NCAM2: variants seen among roughly 807,000 people sequenced by gnomAD.
NCAM2 encodes the protein neural cell adhesion molecule 2.
NCAM2 carries 30 observed loss-of-function variants against 98.1 expected under a neutral mutation model. The ratio of observed to expected loss-of-function variants is 0.31; its 90% CI spans 0.23 to 0.41. The LOEUF (loss-of-function observed/expected upper bound fraction) is 0.41. Ranked by LOEUF, NCAM2 falls within the 10% of genes least tolerant of loss-of-function variation. The pLI, the probability that NCAM2 is intolerant of heterozygous loss-of-function variation, is 1.00. For synonymous variants in NCAM2, 368 were observed against 342.4 expected, an observed-to-expected ratio of 1.07 and a Z score of -0.83; for missense variants, 867 against 1,005.8, an observed-to-expected ratio of 0.86 and a Z score of 1.87.
At chr21:21,122,131 C>T (rs2826663) in intron 1 of NCAM2, among the ~76,000 whole-genome samples, 89,760 of 151,268 alleles carry the variant, frequency 0.59, 27,197 homozygotes, top group East Asian at 0.81. Flanking sequence ...GCAGCAAATA[C>T]TGTTAGATTA....
chr21:21,308,170 GA>G (rs1174620193), intron 5 of NCAM2, among the ~76,000 whole-genome samples: 2 of 151,764 alleles, frequency 1.3e-5, no homozygotes, highest in Non-Finnish European at 2.9e-5. Context: ...AAAGTTATTA[GA>G]AAAAAGTATT....
intron 1 of NCAM2, among the ~76,000 whole-genome samples, chr21:21,142,357 AT>A (rs1223430738): frequency 2.5e-5 from 3 of 118,020 alleles, no homozygotes; most frequent in Admixed American, 8.6e-5. Context: ...TTTTTAAATT[AT>A]TTGACCGTTT....
chr21:21,236,239 A>G (rs935700772), intron 1 of NCAM2, among the ~76,000 whole-genome samples: 1 of 152,126 alleles, frequency 6.6e-6, no homozygotes, highest in African/African-American at 2.4e-5. Flanking sequence ...ATTGATCATA[A>G]TCATAAATAT....
At chr21:21,529,855 T>C (rs1989526871) in intron 16 of NCAM2, among the ~76,000 whole-genome samples, 1 of 151,238 alleles carries the variant, frequency 6.6e-6, no homozygotes, top group Non-Finnish European at 1.5e-5. Context: ...ATATAATTTA[T>C]ATTTAATAAT....
Position 21,215,539 on chromosome 21 carries a change from T to C in NCAM2, c.56-65039T>C, listed in dbSNP as rs186251474. Among the ~76,000 whole-genome samples the C allele has an allele frequency of 1.1e-4, 16 of 152,116 alleles. No homozygotes were observed. In the East Asian group the frequency reaches 2.3e-3, roughly 22 times the overall value. Reference sequence around the variant, plus strand: ...TTCAAGACCAGACTGGCCAACATGGTGAAATCTCACCTCTACTAAAAACAA... The same window carrying C: ...TTCAAGACCAGACTGGCCAACATGGCGAAATCTCACCTCTACTAAAAACAA... On this transcript the variant is annotated intron_variant, in intron 1 of 17. Transcript: ENST00000400546.
At chr21:21,161,322 T>TTTTA in intron 1 of NCAM2, among the ~76,000 whole-genome samples, 1 of 151,960 alleles carries the variant, frequency 6.6e-6, no homozygotes, top group East Asian at 1.9e-4. Context: ...ATTTGGTGCA[T>TTTTA]TTTATTTATT....
At chr21:21,445,681 A>G (rs1569071696) in intron 12 of NCAM2, among the ~76,000 whole-genome samples, 1 of 150,616 alleles carries the variant, frequency 6.6e-6, no homozygotes, top group East Asian at 1.9e-4. Flanking sequence ...TTCTTGGTAA[A>G]TTTTCCTCCA....
chr21:21,349,363 G>A (rs2075275200), intron 8 of NCAM2, among the ~76,000 whole-genome samples: 1 of 152,090 alleles, frequency 6.6e-6, no homozygotes, highest in Admixed American at 6.6e-5. Context: ...AAATGCAAAT[G>A]AAAACTACAA....
intron 11 of NCAM2, among the ~76,000 whole-genome samples, chr21:21,428,938 G>T (rs1174444447): frequency 6.6e-6 from 1 of 152,126 alleles, no homozygotes; most frequent in Non-Finnish European, 1.5e-5. Context: ...CTATCTGTAT[G>T]CATGTATAAA....
chr21:21,043,948 G>C (rs1437993739), intron 1 of NCAM2, among the ~76,000 whole-genome samples: 2 of 151,404 alleles, frequency 1.3e-5, no homozygotes, highest in Non-Finnish European at 2.9e-5. Flanking sequence ...ATTTTAAACA[G>C]ACTTTACTGG....
chr21:21,101,667 T>C (rs548352266), intron 1 of NCAM2, among the ~76,000 whole-genome samples: 6 of 152,218 alleles, frequency 3.9e-5, no homozygotes, highest in Admixed American at 3.9e-4. Flanking sequence ...AATAATGGAT[T>C]TAAATGTAAC....
At position 21,028,762 on chromosome 21, in the gene NCAM2, G is replaced by C. The variant is rs191865065; in HGVS notation, c.55+30144G>C. On this transcript the variant is annotated intron_variant, in intron 1 of 17. Transcript: ENST00000400546. Reference sequence around the variant, plus strand: ...GTCTATTATATTCTAATACTCTTCTGTAAAAATCAGTGTTTCCATATGAAG... The same window carrying C: ...GTCTATTATATTCTAATACTCTTCTCTAAAAATCAGTGTTTCCATATGAAG... Among the ~76,000 whole-genome samples the C allele has an allele frequency of 5.3e-5, 8 of 152,262 alleles. No homozygotes were observed. In the East Asian group the frequency reaches 1.4e-3, roughly 26 times the overall value.
chr21:21,287,105 A>G (rs142576928), intron 4 of NCAM2, among the ~76,000 whole-genome samples: 48 of 152,148 alleles, frequency 3.2e-4, no homozygotes, highest in Non-Finnish European at 5.9e-5. Flanking sequence ...AATCGAATGT[A>G]TAATTTGCTT....
At chr21:21,475,555 G>T (rs1985058793) in intron 14 of NCAM2, among the ~76,000 whole-genome samples, 1 of 152,084 alleles carries the variant, frequency 6.6e-6, no homozygotes, top group South Asian at 2.1e-4. Flanking sequence ...TTGCAACTAG[G>T]TTTCTTTCTT....
At chr21:21,495,762 TC>T (rs1279035028) in intron 15 of NCAM2, among the ~76,000 whole-genome samples, 9 of 152,086 alleles carry the variant, frequency 5.9e-5, no homozygotes, top group South Asian at 4.1e-4. Flanking sequence ...TAAAATGGAC[TC>T]CTTACGTCAA....
intron 15 of NCAM2, among the ~76,000 whole-genome samples, chr21:21,483,463 A>G (rs1040824209): frequency 1.3e-5 from 2 of 152,066 alleles, no homozygotes; most frequent in East Asian, 3.8e-4. Flanking sequence ...AATGAACTAT[A>G]CAGTAAAATT....
rs145763440 is a variant in NCAM2, at chr21:21,375,252, T to A, written c.1195+1239T>A. On this transcript the variant is annotated intron_variant, in intron 9 of 17. Transcript: ENST00000400546. ...AAAAAACACCCACTGATATATTTGT[T>A]AAACTATACAATTCCTGGATCTGTA... is the stretch of plus-strand genomic sequence containing the variant. Among the ~76,000 whole-genome samples the A allele has an allele frequency of 2.5e-3, 384 of 151,174 alleles. 1 individual carries two copies. Among genetic ancestry groups the A allele is most frequent in the Non-Finnish European group, 4.5e-3 (305 of 67,690 alleles).
intron 1 of NCAM2, among the ~76,000 whole-genome samples, chr21:21,041,983 A>C (rs1238317689): frequency 1.3e-5 from 2 of 152,196 alleles, no homozygotes. Flanking sequence ...TAACAGGTTG[A>C]ATGACGATGC....
At chr21:21,058,420 G>T (rs1031470629) in intron 1 of NCAM2, among the ~76,000 whole-genome samples, 1 of 152,016 alleles carries the variant, frequency 6.6e-6, no homozygotes, top group African/African-American at 2.4e-5. Context: ...TAAAGCAAAT[G>T]ATATTTTATT....
Sources: allele counts gnomAD v4.1 joint callset (sites outside exome capture counted in the v4.1 genomes callset), GRCh38; gene constraint gnomAD v4.1.1; transcripts MANE v1.5; gene names NCBI Gene and HGNC (gene_info 2026-07-23, HGNC 2026-07-21).